Variants in SCN10A observed in about 807,000 individuals in gnomAD.
SCN10A encodes the protein sodium channel protein type 10 subunit alpha.
SCN10A carries 162 observed loss-of-function variants against 170.7 expected under a neutral mutation model. The observed-to-expected ratio is 0.95, with a 90% CI of 0.84 to 1.08. The LOEUF (loss-of-function observed/expected upper bound fraction) is 1.08, where lower values mean the gene tolerates loss of function less well. SCN10A is among the 50% of genes least tolerant of loss of function. The pLI is 0.00. For synonymous variants in SCN10A, 985 were observed against 904.6 expected (o/e 1.09, Z -1.59); for missense variants, 2,527 against 2,436.9 (o/e 1.04, Z -0.78).
At chr3:38,718,356 C>G (rs1013530485) in intron 21 of SCN10A, among the ~76,000 whole-genome samples, 6 of 152,202 alleles carry the variant, frequency 3.9e-5, no homozygotes, top group Non-Finnish European at 8.8e-5. Context: ...CATAAGACCT[C>G]TGAGAGCTGC....
chr3:38,764,039 G>A (rs1323310840), intron 5 of SCN10A, among the ~76,000 whole-genome samples: 2 of 152,194 alleles, frequency 1.3e-5, no homozygotes, highest in African/African-American at 2.4e-5. Context: ...GGTACTCTGT[G>A]GCAAGAACCC....
chr3:38,800,441 C>G (rs2064364304), intron 1 of SCN10A, among the ~76,000 whole-genome samples: 1 of 152,164 alleles, frequency 6.6e-6, no homozygotes, highest in Non-Finnish European at 1.5e-5. Flanking sequence ...TTGAGAAGCA[C>G]TGAAATTCTC....
chr3:38,730,849 C>T (rs749492905), intron 15 of SCN10A, among the ~76,000 whole-genome samples: 3 of 151,902 alleles, frequency 2.0e-5, no homozygotes, highest in Non-Finnish European at 2.9e-5. Context: ...TGAAAAATAA[C>T]AAAATAGTGT....
At chr3:38,746,100 T>TATATATATATATATATATATAG (rs71085336) in intron 13 of SCN10A, among the ~76,000 whole-genome samples, 1 of 99,820 alleles carries the variant, frequency 1.0e-5, no homozygotes, top group Non-Finnish European at 2.0e-5. Context: ...TATATATATA[T>TATATATATATATATATATATAG]GCCATCTTTG....
intron 20 of SCN10A, among the ~76,000 whole-genome samples, chr3:38,719,594 C>T (rs968090893): frequency 1.5e-4 from 23 of 151,574 alleles, no homozygotes; most frequent in Non-Finnish European, 2.4e-4. Flanking sequence ...GGGGTTTCAC[C>T]GTTTTAGCCG....
intron 1 of SCN10A, among the ~76,000 whole-genome samples, chr3:38,797,434 G>T (rs558434509): frequency 6.6e-6 from 1 of 152,144 alleles, no homozygotes; most frequent in Non-Finnish European, 1.5e-5. Flanking sequence ...CTCTCCTCCT[G>T]CCTATTTGTA....
intron 22 of SCN10A, among the ~76,000 whole-genome samples, chr3:38,713,689 G>T (rs1371104413): frequency 6.6e-6 from 1 of 152,082 alleles, no homozygotes; most frequent in African/African-American, 2.4e-5. Flanking sequence ...GCAGACCAGA[G>T]AAGTTTTTTG....
chr3:38,796,582 A>G (rs1227595691), intron 1 of SCN10A, among the ~76,000 whole-genome samples: 1 of 152,162 alleles, frequency 6.6e-6, no homozygotes, highest in Non-Finnish European at 1.5e-5. Context: ...CAGCCACACT[A>G]CTTTTATAAG....
chr3:38,702,542 C>T (rs537693173), intron 26 of SCN10A, among the ~76,000 whole-genome samples: 28 of 152,244 alleles, frequency 1.8e-4, no homozygotes, highest in East Asian at 9.6e-4. Context: ...TTTGTATATG[C>T]GTCTTCTCTA....
At chr3:38,761,992 T>C (rs1044749368) in intron 6 of SCN10A, among the ~76,000 whole-genome samples, 8 of 151,992 alleles carry the variant, frequency 5.3e-5, no homozygotes, top group Admixed American at 1.3e-4. Context: ...TAAGAAACAC[T>C]GAGACAGTCA....
intron 1 of SCN10A, among the ~76,000 whole-genome samples, chr3:38,798,077 T>A (rs902991359): frequency 8.5e-5 from 13 of 152,188 alleles, no homozygotes; most frequent in African/African-American, 3.1e-4. Flanking sequence ...TGTCTTTACA[T>A]GACATTCTGA....
chr3:38,781,028 T>C (rs144220322), intron 4 of SCN10A, among the ~76,000 whole-genome samples: 34 of 152,142 alleles, frequency 2.2e-4, no homozygotes, highest in Admixed American at 6.5e-4. Context: ...TTGAAGCAAA[T>C]TGGAAAGGTG....
intron 1 of SCN10A, among the ~76,000 whole-genome samples, chr3:38,801,370 G>A (rs982912749): frequency 4.6e-5 from 7 of 152,088 alleles, no homozygotes; most frequent in African/African-American, 1.7e-4. Flanking sequence ...TAGGTCAAAG[G>A]CATTCTCTTA....
chr3:38,734,515 T>G (rs966014990), intron 15 of SCN10A, among the ~76,000 whole-genome samples: 2 of 152,224 alleles, frequency 1.3e-5, no homozygotes, highest in Non-Finnish European at 2.9e-5. Flanking sequence ...AGGTTTGAGC[T>G]GGGAATGTAA....
intron 10 of SCN10A, 57 bp from the exon 11 acceptor site, chr3:38,756,015 T>C (rs1438657957): frequency 1.9e-6 from 3 of 1,591,320 alleles, no homozygotes; most frequent in Non-Finnish European, 2.6e-6. Context: ...TTAGCATGAA[T>C]GTGTCCCCCA....
chr3:38,765,901 T>A (rs2063927112), intron 5 of SCN10A, among the ~76,000 whole-genome samples: 1 of 152,186 alleles, frequency 6.6e-6, no homozygotes, highest in South Asian at 2.1e-4. Context: ...ATTTTAGCAG[T>A]GTTTTGTAGT....
intron 13 of SCN10A, among the ~76,000 whole-genome samples, chr3:38,749,302 G>A (rs547403253): frequency 6.6e-6 from 1 of 152,334 alleles, no homozygotes. Flanking sequence ...GCCTAGGTCA[G>A]TTTAATTTGT....
At position 38,763,489 on chromosome 3, in the gene SCN10A, G is replaced by GT. The variant is rs779569968; in HGVS notation, c.691+15dup. On this transcript the variant is annotated intron_variant, in intron 6 of 27. Coordinates refer to ENST00000449082, the MANE Select transcript of SCN10A (RefSeq NM_006514.4). ...GGCTGTGAAAACCAACATATGCTCT[G>GT]TGAATAAATGCTCACCTGGGATCAC... is the stretch of plus-strand genomic sequence containing the variant. 2 of 1,598,232 alleles carry GT rather than the reference G, an allele frequency of 1.3e-6. No homozygotes were observed. The highest frequency in any genetic ancestry group is 2.2e-5 in the South Asian group (2 of 90,778).
At position 38,713,991 on chromosome 3, in the gene SCN10A, T is replaced by C. The variant is rs780011851; in HGVS notation, c.3771A>G (p.Pro1257=). Residue 1257 remains proline, a synonymous_variant, in exon 22 of 28, where the codon CCA becomes CCG. Coordinates refer to ENST00000449082, the MANE Select transcript of SCN10A (RefSeq NM_006514.4). ...CTTCAAATCGAGAAAGAGCCCGCAGTGGCCGCAGAGCGCGAAGGGTTCGAA... is the reference window on the plus strand; with the variant it reads ...CTTCAAATCGAGAAAGAGCCCGCAGCGGCCGCAGAGCGCGAAGGGTTCGAA... ...KALRTLRALR[P]LRALSRFEGM... The C allele has an allele frequency of 3.1e-6, 5 of 1,613,962 alleles. No homozygotes were observed. The South Asian group carries it at 3.3e-5, about 11-fold the overall frequency.
Sources: allele counts gnomAD v4.1 joint callset (sites outside exome capture counted in the v4.1 genomes callset), GRCh38; gene constraint gnomAD v4.1.1; transcripts MANE v1.5; gene names NCBI Gene and HGNC (gene_info 2026-07-23, HGNC 2026-07-21).